Variants in PHLDB2 observed in about 807,000 individuals in gnomAD.
PHLDB2 encodes the protein pleckstrin homology like domain family B member 2.
Under a neutral mutation model 123.6 loss-of-function variants are expected in PHLDB2, and 71 were observed. The observed-to-expected ratio is 0.57, with a 90% CI of 0.47 to 0.70. The LOEUF (loss-of-function observed/expected upper bound fraction) is 0.70, where lower values mean the gene tolerates loss of function less well. Ranked by LOEUF, PHLDB2 falls within the 30% of genes least tolerant of loss-of-function variation. The probability of loss-of-function intolerance (pLI) is 0.00; values close to 1 mark genes in which losing one functional copy is unlikely to be tolerated. For missense variants in PHLDB2, 1,446 were observed against 1,519.5 expected, an observed-to-expected ratio of 0.95 and a Z score of 0.80; for synonymous variants, 547 against 541.6, an observed-to-expected ratio of 1.01 and a Z score of -0.14.
In PHLDB2 at chr3:111,962,860, C is replaced by T. The variant is rs556915709; in HGVS notation, c.3077+548C>T. ...AGGAGAATCCCTTAAACCCGGGAGGCGGAGGTTACAGTGAGCCAAAACTGT... is the reference window on the plus strand; with the variant it reads ...AGGAGAATCCCTTAAACCCGGGAGGTGGAGGTTACAGTGAGCCAAAACTGT... On this transcript the variant is annotated intron_variant, in intron 13 of 17. Coordinates refer to ENST00000431670, the MANE Select transcript of PHLDB2 (RefSeq NM_001134438.2). Among the ~76,000 whole-genome samples, 12 of 142,256 alleles carry T rather than the reference C, an allele frequency of 8.4e-5. No homozygotes were observed. The East Asian group carries it at 1.1e-3, about 13-fold the overall frequency. The allele number at this position is 142,256 out of a possible 152,430, so 93.3% of individuals were successfully genotyped here.
chr3:111,851,523 G>A (rs780361326), intron 2 of PHLDB2, among the ~76,000 whole-genome samples: 12 of 152,262 alleles, frequency 7.9e-5, no homozygotes, highest in South Asian at 2.1e-4. Context: ...TAATGAATAC[G>A]CAGTTCTCAG....
intron 6 of PHLDB2, among the ~76,000 whole-genome samples, chr3:111,936,563 G>C (rs1418372767): frequency 6.6e-6 from 1 of 152,192 alleles, no homozygotes; most frequent in African/African-American, 2.4e-5. Context: ...TCTGAGTGCT[G>C]AGCTTAGCCT....
rs2072456773 is a variant in PHLDB2, at chr3:111,975,399, T to A, written c.*836T>A. ...ATCTGGTGTTAGGAGCTTGTTTTGC[T>A]GAAGATTTCTCCATTCCTGGTGCTG... On this transcript the variant is annotated 3_prime_UTR_variant, in exon 18 of 18. Transcript: ENST00000431670. 6.6e-6 allele frequency: 1 copy of A among 152,216 alleles called. No homozygotes were observed. The highest frequency in any genetic ancestry group is 6.5e-5 in the Admixed American group (1 of 15,284). The allele number at this position is 152,216 out of a possible 1,614,324, so 9.4% of individuals were successfully genotyped here.
At chr3:111,830,873 G>T (rs2062934760) in intron 1 of PHLDB2, among the ~76,000 whole-genome samples, 2 of 148,228 alleles carry the variant, frequency 1.3e-5, no homozygotes, top group South Asian at 4.3e-4. Flanking sequence ...TTGTCAGCAT[G>T]AGGGGCGGTG....
At chr3:111,894,105 C>G (rs1217898294) in intron 2 of PHLDB2, among the ~76,000 whole-genome samples, 8 of 126,298 alleles carry the variant, frequency 6.3e-5, no homozygotes, top group Non-Finnish European at 1.1e-4. Flanking sequence ...ATTCCCCTTC[C>G]TGTGTCCATG....
rs2070515721 is a variant in PHLDB2 at position 111,949,002 on chromosome 3, T to G, written c.2558T>G (p.Phe853Cys). ...ACGAATCTATCCCCTTCCACTCAGT[T>G]TCCTGCTGATGCTGATGCTGTTGCC... ...NSTNLSPSTQ[F>C]PADADAVATE... The change falls in exon 10 of 18, where the codon TTT becomes TGT. Residue 853 changes from phenylalanine to cysteine, a missense_variant. Around this residue, in one of 3 missense-constraint regions of PHLDB2, gnomAD observed 594 missense variants for 646.0 expected, o/e 0.92. Transcript: ENST00000431670. 2 of 1,613,920 alleles carry G rather than the reference T, an allele frequency of 1.2e-6. No individual in the cohort carries two copies. The highest frequency in any genetic ancestry group is 2.2e-5 in the South Asian group (2 of 91,084).
intron 1 of PHLDB2, among the ~76,000 whole-genome samples, chr3:111,837,276 C>G (rs1559860212): frequency 6.6e-6 from 1 of 152,132 alleles, no homozygotes. Context: ...CCAGAGAATA[C>G]TAGGCAGGAA....
At chr3:111,760,489 C>A (rs1453160083) in intron 1 of PHLDB2, among the ~76,000 whole-genome samples, 1 of 152,178 alleles carries the variant, frequency 6.6e-6, no homozygotes, top group Non-Finnish European at 1.5e-5. Context: ...GGAAAAGCAG[C>A]ATTTCAGATA....
intron 1 of PHLDB2, among the ~76,000 whole-genome samples, chr3:111,834,798 T>G (rs1335869924): frequency 6.6e-6 from 1 of 152,142 alleles, no homozygotes; most frequent in African/African-American, 2.4e-5. Context: ...TCCTTTGTAA[T>G]ATCATCCTGC....
At chr3:111,907,559 C>T (rs186425564) in intron 2 of PHLDB2, among the ~76,000 whole-genome samples, 219 of 152,158 alleles carry the variant, frequency 1.4e-3, no homozygotes, top group Admixed American at 1.8e-3. Flanking sequence ...TGTAGTAGCA[C>T]GACTGGGCTC....
intron 10 of PHLDB2, chr3:111,949,670 A>G: frequency 1.1e-6 from 1 of 927,988 alleles, no homozygotes; most frequent in Non-Finnish European, 1.3e-6. Context: ...TTTCATGTGG[A>G]CACATATATA....
chr3:111,774,165 G>A (rs1559823908), intron 1 of PHLDB2, among the ~76,000 whole-genome samples: 1 of 152,190 alleles, frequency 6.6e-6, no homozygotes, highest in Non-Finnish European at 1.5e-5. Flanking sequence ...CTTAGTTATT[G>A]AGACCTCACC....
At chr3:111,875,820 C>CAA (rs34846400) in intron 1 of PHLDB2, among the ~76,000 whole-genome samples, 42 of 115,032 alleles carry the variant, frequency 3.7e-4, no homozygotes, top group African/African-American at 1.1e-3. Flanking sequence ...AAGACTGTCT[C>CAA]AAAAAAAAAA....
intron 10 of PHLDB2, among the ~76,000 whole-genome samples, chr3:111,949,346 A>G (rs931198598): frequency 6.7e-6 from 1 of 149,326 alleles, no homozygotes; most frequent in African/African-American, 2.5e-5. Context: ...TTAGCACTCT[A>G]ACTCAACTTA....
At chr3:111,872,719 C>T (rs1193157395) in intron 1 of PHLDB2, among the ~76,000 whole-genome samples, 1 of 152,128 alleles carries the variant, frequency 6.6e-6, no homozygotes, top group African/African-American at 2.4e-5. Context: ...ATGAAAAGGG[C>T]ACTCTGGAAA....
intron 5 of PHLDB2, 33 bp from the exon 6 acceptor site, chr3:111,932,236 T>C: frequency 6.5e-7 from 1 of 1,547,260 alleles, no homozygotes; most frequent in Non-Finnish European, 8.7e-7. Flanking sequence ...GTGAAGGTAA[T>C]TTCTATTCTA....
chr3:111,909,094 C>G (rs890691804), intron 2 of PHLDB2, among the ~76,000 whole-genome samples: 4 of 152,154 alleles, frequency 2.6e-5, no homozygotes, highest in African/African-American at 9.7e-5. Flanking sequence ...CAGCTCTATG[C>G]CTTTGCTTCT....
intron 6 of PHLDB2, among the ~76,000 whole-genome samples, chr3:111,936,513 A>G (rs899124176): frequency 2.0e-5 from 3 of 152,042 alleles, no homozygotes; most frequent in Non-Finnish European, 4.4e-5. Context: ...ACACATTTTG[A>G]TGGTTTAGAT....
intron 2 of PHLDB2, among the ~76,000 whole-genome samples, chr3:111,912,852 C>G (rs1484681506): frequency 6.6e-6 from 1 of 152,200 alleles, no homozygotes; most frequent in Non-Finnish European, 1.5e-5. Flanking sequence ...TGGCATGTGC[C>G]TGTAATCTCA....
Sources: allele counts gnomAD v4.1 joint callset (sites outside exome capture counted in the v4.1 genomes callset), GRCh38; gene constraint gnomAD v4.1.1; regional missense constraint gnomAD v4.1.1; transcripts MANE v1.5; gene names NCBI Gene and HGNC (gene_info 2026-07-23, HGNC 2026-07-21).